DMRT1: variants seen among roughly 807,000 people sequenced by gnomAD.
The protein encoded by DMRT1 is doublesex- and mab-3-related transcription factor 1.
A neutral mutation model predicts 32.3 loss-of-function variants in DMRT1; 7 were observed. The ratio of observed to expected loss-of-function variants is 0.22; its 90% confidence interval spans 0.12 to 0.41. The LOEUF is 0.41. Among genes scored for constraint, DMRT1 ranks in the 10% least tolerant of loss-of-function variants. The probability of loss-of-function intolerance (pLI) is 1.00; values close to 1 mark genes in which losing one functional copy is unlikely to be tolerated. For missense variants in DMRT1, 625 were observed against 500.5 expected, an observed-to-expected ratio of 1.25 and a Z score of -2.37; for synonymous variants, 278 against 206.1, an observed-to-expected ratio of 1.35 and a Z score of -2.99.
In DMRT1 at chr9:893,983, G is replaced by C. The variant is rs769338681; in HGVS notation, c.610G>C (p.Val204Leu). The C allele has an allele frequency of 6.2e-7, 1 of 1,614,178 alleles. No homozygotes were observed. Among genetic ancestry groups the C allele is most frequent in the South Asian group, 1.1e-5 (1 of 91,088 alleles). Residue 204 changes from valine to leucine, a missense_variant, in exon 3 of 5, where the codon GTT becomes CTT. Transcript: ENST00000382276. ...GCATGTGGAGAACACACCTGACCTGGTTTCAGACTCCACCTACTACAGCAG... is the reference window on the plus strand; with the variant it reads ...GCATGTGGAGAACACACCTGACCTGCTTTCAGACTCCACCTACTACAGCAG... ...RGHVENTPDL[V>L]SDSTYYSSFY... is the part of the protein sequence containing the mutation.
Position 968,393 on chromosome 9 carries a change from T to C in DMRT1, c.*254T>C. The C allele has an allele frequency of 2.3e-6, 1 of 444,168 alleles. No individual in the cohort carries two copies. The highest frequency in any genetic ancestry group is 4.1e-6 in the Non-Finnish European group (1 of 245,458). 27.5% of individuals were successfully genotyped at this position (444,168 alleles called of 1,614,324 possible). ...GTGTTCATTTTTTTAATGACACTGGTTTCATGTAGTTTTCAAGAAATAAAA... is the reference window on the plus strand; with the variant it reads ...GTGTTCATTTTTTTAATGACACTGGCTTCATGTAGTTTTCAAGAAATAAAA... On this transcript the variant is annotated 3_prime_UTR_variant, in exon 5 of 5. Coordinates refer to ENST00000382276, the MANE Select transcript of DMRT1 (RefSeq NM_021951.3).
chr9:870,215 C>T (rs11788612), intron 2 of DMRT1, among the ~76,000 whole-genome samples: 1 of 151,922 alleles, frequency 6.6e-6, no homozygotes, highest in Non-Finnish European at 1.5e-5. Context: ...CTGGGTAACA[C>T]GGTGAAACCC....
intron 3 of DMRT1, among the ~76,000 whole-genome samples, chr9:897,969 G>A (rs1054823259): frequency 2.6e-5 from 4 of 152,168 alleles, no homozygotes; most frequent in African/African-American, 9.7e-5. Flanking sequence ...AATGATAATG[G>A]TGCAAAATGC....
intron 4 of DMRT1, among the ~76,000 whole-genome samples, chr9:926,152 C>T (rs1818516922): frequency 7.8e-6 from 1 of 127,564 alleles, no homozygotes; most frequent in Admixed American, 8.4e-5. Context: ...AAACTTAAAC[C>T]CTTCGGCATA....
intron 2 of DMRT1, among the ~76,000 whole-genome samples, chr9:880,612 G>A (rs1478493641): frequency 6.6e-6 from 1 of 151,344 alleles, no homozygotes; most frequent in Middle Eastern, 3.2e-3. Context: ...TGTAATCCCA[G>A]CCATTCAGGA....
At chr9:864,953 G>T (rs1202534213) in intron 2 of DMRT1, among the ~76,000 whole-genome samples, 1 of 152,168 alleles carries the variant, frequency 6.6e-6, no homozygotes, top group African/African-American at 2.4e-5. Context: ...GTATGGCCGT[G>T]ATGCAGGAAT....
intron 2 of DMRT1, among the ~76,000 whole-genome samples, chr9:890,194 G>A (rs1817090728): frequency 1.4e-5 from 2 of 139,364 alleles, no homozygotes; most frequent in East Asian, 2.4e-4. Context: ...CAGGCCGCCC[G>A]CCTCAGCCTC....
chr9:961,368 T>G (rs1485585687), intron 4 of DMRT1, among the ~76,000 whole-genome samples: 2 of 152,326 alleles, frequency 1.3e-5, no homozygotes, highest in East Asian at 3.9e-4. Flanking sequence ...CATTGACACC[T>G]GTGCCATGTA....
intron 2 of DMRT1, among the ~76,000 whole-genome samples, chr9:872,871 C>T (rs148622962): frequency 6.8e-4 from 104 of 152,176 alleles, no homozygotes; most frequent in African/African-American, 2.4e-3. Context: ...GCGGGTGCAC[C>T]GTTTTACATT....
intron 2 of DMRT1, among the ~76,000 whole-genome samples, chr9:850,741 G>A (rs1564195687): frequency 6.6e-6 from 1 of 151,962 alleles, no homozygotes. Context: ...GTATAGATGT[G>A]AGGCCAGCCA....
rs144460360 is a variant in DMRT1, at chr9:907,861, T to C, written c.823-8902T>C. ...TGTGTGTGTGTGTGTGTGTGTGTTA[T>C]ATGTATATAACACACACTGACTGCA... On this transcript the variant is annotated intron_variant, in intron 3 of 4. Coordinates refer to ENST00000382276, the MANE Select transcript of DMRT1 (RefSeq NM_021951.3). 1.4e-3 allele frequency among the ~76,000 whole-genome samples: 193 copies of C among 139,506 alleles called. 3 individuals are homozygous for C. The highest frequency in any genetic ancestry group is 5.5e-3 in the African/African-American group (183 of 33,346). The allele number at this position is 139,506 out of a possible 152,430, so 91.5% of individuals were successfully genotyped here. A position where few individuals can be genotyped will look rare whatever the true frequency, so the allele number is the denominator to read the frequency against.
chr9:887,139 C>G (rs780744573), intron 2 of DMRT1, among the ~76,000 whole-genome samples: 8 of 152,214 alleles, frequency 5.3e-5, no homozygotes, highest in Middle Eastern at 3.4e-3. Flanking sequence ...TGCAGTGAGC[C>G]GAGATCAGGA....
intron 3 of DMRT1, among the ~76,000 whole-genome samples, chr9:913,696 A>G (rs1349692504): frequency 3.3e-5 from 5 of 151,556 alleles, no homozygotes; most frequent in Admixed American, 1.3e-4. Flanking sequence ...GGAATTTGAG[A>G]CCAGCCTAGG....
intron 4 of DMRT1, among the ~76,000 whole-genome samples, chr9:928,846 TTTTATTTA>T (rs573508979): frequency 1.2e-4 from 18 of 151,090 alleles, no homozygotes; most frequent in Non-Finnish European, 2.4e-4. Context: ...ATTTATTTAT[TTTTATTTA>T]TTTATTTATT....
At chr9:909,973 C>T (rs373523276) in intron 3 of DMRT1, among the ~76,000 whole-genome samples, 5 of 152,310 alleles carry the variant, frequency 3.3e-5, no homozygotes, top group African/African-American at 9.6e-5. Context: ...CTCAGCCTCC[C>T]ACGTGCTGAG....
At position 842,165 on chromosome 9, in the gene DMRT1, C is replaced by A; in HGVS notation, c.327C>A (p.Ala109=). Reference sequence around the variant, plus strand: ...AGTGCAAGAAGTGCAACCTGATCGCCGAGAGGCAGCGCGTGATGGCCGCGC... The same window carrying A: ...AGTGCAAGAAGTGCAACCTGATCGCAGAGAGGCAGCGCGTGATGGCCGCGC... ...DCQCKKCNLI[A]ERQRVMAAQV... is the part of the protein sequence containing the mutation. The change falls in exon 1 of 5, where the codon GCC becomes GCA. Residue 109 remains alanine, a synonymous_variant. Coordinates refer to ENST00000382276, the MANE Select transcript of DMRT1 (RefSeq NM_021951.3). 3 of 1,544,940 alleles carry A rather than the reference C, an allele frequency of 1.9e-6. No individual in the cohort carries two copies. The highest frequency in any genetic ancestry group is 2.6e-6 in the Non-Finnish European group (3 of 1,150,912).
At chr9:868,334 A>G (rs760612327) in intron 2 of DMRT1, among the ~76,000 whole-genome samples, 19 of 152,220 alleles carry the variant, frequency 1.2e-4, no homozygotes, top group Non-Finnish European at 2.4e-4. Context: ...GGGATCTCTT[A>G]GCTGTATTCT....
intron 2 of DMRT1, among the ~76,000 whole-genome samples, chr9:878,535 A>C (rs1032547820): frequency 6.6e-6 from 1 of 152,186 alleles, no homozygotes; most frequent in Admixed American, 6.5e-5. Flanking sequence ...TATCACACCA[A>C]ACGCACTCAA....
chr9:899,618 C>A (rs915282595), intron 3 of DMRT1, among the ~76,000 whole-genome samples: 3 of 152,224 alleles, frequency 2.0e-5, no homozygotes, highest in Admixed American at 6.5e-5. Context: ...AACAAACTCA[C>A]AATGAATGGC....
Sources: allele counts gnomAD v4.1 joint callset (sites outside exome capture counted in the v4.1 genomes callset), GRCh38; gene constraint gnomAD v4.1.1; transcripts MANE v1.5; gene names NCBI Gene and HGNC (gene_info 2026-07-23, HGNC 2026-07-21).